The following PROCR variants were observed in gnomAD, a reference collection of about 807,000 sequenced individuals.
The protein encoded by PROCR is protein C receptor, also known as endothelial protein C receptor.
A neutral mutation model predicts 24.2 loss-of-function variants in PROCR; 22 were observed. The observed-to-expected ratio is 0.91, with a 90% CI of 0.65 to 1.30. The LOEUF (loss-of-function observed/expected upper bound fraction) is 1.30. PROCR is among the 50% of genes most tolerant of loss of function. The probability of loss-of-function intolerance (pLI) is 0.00; values close to 1 mark genes in which losing one functional copy is unlikely to be tolerated. For synonymous variants in PROCR, 137 were observed against 139.2 expected, an observed-to-expected ratio of 0.98 and a Z score of 0.11; for missense variants, 288 against 307.7, an observed-to-expected ratio of 0.94 and a Z score of 0.48.
chr20:35,180,328 G>A (rs556738176), downstream of PROCR, among the ~76,000 whole-genome samples: 4 of 152,240 alleles, frequency 2.6e-5, no homozygotes, highest in Admixed American at 1.3e-4. Context: ...GATAGCTTCC[G>A]CTTGCTTCAG....
chr20:35,202,042 C>T (rs950272950), intron 1 of PROCR: 6 of 152,058 alleles, frequency 3.9e-5, no homozygotes, highest in African/African-American at 1.2e-4. Context: ...ACCTGGATAA[C>T]GTTATCAACT....
chr20:35,175,839 C>A (rs960680652), intron 2 of PROCR, among the ~76,000 whole-genome samples: 1 of 151,762 alleles, frequency 6.6e-6, no homozygotes, highest in Non-Finnish European at 1.5e-5. Context: ...ACAAGCCTGG[C>A]CTCCCAAAGT....
intron 1 of PROCR, among the ~76,000 whole-genome samples, chr20:35,208,740 C>T (rs1325550350): frequency 2.0e-5 from 3 of 152,108 alleles, no homozygotes; most frequent in Non-Finnish European, 2.9e-5. Context: ...TTTGGGAGGC[C>T]GAGGCAGGTG....
chr20:35,193,892 A>T (rs1160879379), intron 1 of PROCR, among the ~76,000 whole-genome samples: 4 of 152,226 alleles, frequency 2.6e-5, no homozygotes, highest in Non-Finnish European at 5.9e-5. Flanking sequence ...AATAGTCTAG[A>T]CAGAGAAAAC....
intron 1 of PROCR, among the ~76,000 whole-genome samples, chr20:35,210,772 G>T (rs2060360104): frequency 6.6e-6 from 1 of 151,114 alleles, no homozygotes; most frequent in Non-Finnish European, 1.5e-5. Context: ...GAGAGCAATG[G>T]TGTGATCTCG....
chr20:35,181,142 A>T (rs1229834206), downstream of PROCR, among the ~76,000 whole-genome samples: 3 of 151,616 alleles, frequency 2.0e-5, no homozygotes, highest in Non-Finnish European at 4.4e-5. Context: ...TGCTGGGATT[A>T]CAGGCGTGAG....
chr20:35,176,446 G>T lies in PROCR; in HGVS notation c.601G>T (p.Gly201Trp). ...ACATATTTCCGCGGAAAACACGAAAGGTATGATGGGACGGGGCCCAGGCCT... is the reference window on the plus strand; with the variant it reads ...ACATATTTCCGCGGAAAACACGAAATGTATGATGGGACGGGGCCCAGGCCT... ...QKHISAENTK[G>W]SQTSRSYTSL... The change falls in exon 3 of 4, where the codon GGG becomes TGG. Residue 201 changes from glycine (G) to tryptophan (W), a missense_variant and splice_region_variant. By Grantham distance (184) the Gly-to-Trp change is radical. Transcript: ENST00000216968. 6.2e-7 allele frequency: 1 copy of T among 1,613,650 alleles called. No homozygotes were observed. Among genetic ancestry groups the T allele is most frequent in the Non-Finnish European group, 8.5e-7 (1 of 1,179,714 alleles).
chr20:35,193,759 G>A (rs1370407283), intron 1 of PROCR, among the ~76,000 whole-genome samples: 1 of 152,200 alleles, frequency 6.6e-6, no homozygotes, highest in Non-Finnish European at 1.5e-5. Flanking sequence ...TTGAAATGCT[G>A]ATAGAATGCA....
At chr20:35,206,556 C>T (rs2060343682) in intron 1 of PROCR, among the ~76,000 whole-genome samples, 1 of 141,934 alleles carries the variant, frequency 7.0e-6, no homozygotes. Context: ...AAGTTTTGAA[C>T]AGGCACCTCA....
At chr20:35,177,833 C>T (rs2086036368), downstream of PROCR, among the ~76,000 whole-genome samples, 2 of 152,142 alleles carry the variant, frequency 1.3e-5, no homozygotes, top group African/African-American at 4.8e-5. Context: ...ATGGTATCTG[C>T]AAATTTGCGG....
In PROCR at chr20:35,205,744, T is replaced by C. The variant is rs1219996231; in HGVS notation, c.95-10149T>C. Among the ~76,000 whole-genome samples the C allele has an allele frequency of 2.5e-3, 322 of 128,308 alleles. 4 individuals are homozygous for C. Among genetic ancestry groups the C allele is most frequent in the Non-Finnish European group, 1.1e-3 (67 of 62,614 alleles). 84.2% of individuals were successfully genotyped at this position (128,308 alleles called of 152,430 possible). A position where few individuals can be genotyped will look rare whatever the true frequency, so the allele number is the denominator to read the frequency against. On this transcript the variant is annotated intron_variant, in intron 1 of 1. Transcript: ENST00000634509. ...CCAGCCTGGGCAACAAGGACAAAAC[T>C]CTGTCTAAATATATATATATATATA...
chr20:35,191,199 G>T (rs569999660), intron 1 of PROCR, among the ~76,000 whole-genome samples: 1 of 151,894 alleles, frequency 6.6e-6, no homozygotes, highest in Admixed American at 6.6e-5. Context: ...TTTCTTCAAG[G>T]GTTCCTTATT....
At chr20:35,193,200 G>A (rs2086188639) in intron 1 of PROCR, among the ~76,000 whole-genome samples, 1 of 147,812 alleles carries the variant, frequency 6.8e-6, no homozygotes, top group South Asian at 2.1e-4. Context: ...TTTTTAAGAT[G>A]GAGTCTCGCT....
downstream of PROCR, among the ~76,000 whole-genome samples, chr20:35,178,025 T>C (rs1195837225): frequency 1.3e-5 from 2 of 152,196 alleles, no homozygotes; most frequent in Non-Finnish European, 2.9e-5. Flanking sequence ...ATACCCTTTC[T>C]AGGTGACCTA....
At chr20:35,206,059 GAC>G (rs2060341437) in intron 1 of PROCR, among the ~76,000 whole-genome samples, 1 of 151,072 alleles carries the variant, frequency 6.6e-6, no homozygotes, top group Non-Finnish European at 1.5e-5. Context: ...TTTTGGTAGA[GAC>G]AGGATTTTTG....
chr20:35,197,757 G>C (rs1568598378), intron 1 of PROCR, among the ~76,000 whole-genome samples: 1 of 151,366 alleles, frequency 6.6e-6, no homozygotes, highest in Non-Finnish European at 1.5e-5. Context: ...AGGAGGCAGG[G>C]GTCACAGTGA....
At chr20:35,210,657 G>A (rs148490057) in intron 1 of PROCR, among the ~76,000 whole-genome samples, 47 of 151,462 alleles carry the variant, frequency 3.1e-4, no homozygotes, top group South Asian at 2.1e-3. Context: ...TAATTGCCCC[G>A]TGCAATGTAT....
At chr20:35,202,956 A>G (rs1310566836) in intron 1 of PROCR, 9 of 152,258 alleles carry the variant, frequency 5.9e-5, no homozygotes, top group Admixed American at 2.6e-4. Context: ...TGGGTCATAA[A>G]GTAAACTTTA....
At chr20:35,200,896 C>T (rs1212162803) in intron 1 of PROCR, among the ~76,000 whole-genome samples, 2 of 152,186 alleles carry the variant, frequency 1.3e-5, no homozygotes, top group African/African-American at 4.8e-5. Context: ...GATCCACCTG[C>T]CTCGGCCTCA....
Sources: gnomAD v4.1 joint callset for allele counts (sites outside exome capture counted in the v4.1 genomes callset) on GRCh38, gnomAD v4.1.1 for gene constraint, MANE v1.5 for transcripts, NCBI Gene and HGNC (gene_info 2026-07-23, HGNC 2026-07-21) for gene names.